RORA: variants seen among roughly 807,000 people sequenced by gnomAD.
RORA encodes nuclear receptor ROR-alpha.
In RORA, 7 loss-of-function variants were observed where a neutral mutation model predicts 69.5. That is an observed-to-expected ratio of 0.10 (90% CI 0.06 to 0.19). The LOEUF is 0.19. Among genes scored for constraint, RORA ranks in the 10% least tolerant of loss-of-function variants. The pLI is 1.00. For missense variants in RORA, 457 were observed against 663.0 expected, an observed-to-expected ratio of 0.69 and a Z score of 3.41; for synonymous variants, 261 against 240.8, an observed-to-expected ratio of 1.08 and a Z score of -0.78.
chr15:60,920,912 T>C (rs1892024275), intron 1 of RORA, among the ~76,000 whole-genome samples: 2 of 152,214 alleles, frequency 1.3e-5, no homozygotes, highest in African/African-American at 4.8e-5. Flanking sequence ...TTAAACTCAC[T>C]TCAAGGAAGA....
intron 1 of RORA, among the ~76,000 whole-genome samples, chr15:61,079,940 A>C (rs1267872781): frequency 6.6e-6 from 1 of 152,186 alleles, no homozygotes; most frequent in Non-Finnish European, 1.5e-5. Flanking sequence ...TGTCTTTGTA[A>C]TGGAGATCAT....
chr15:60,656,271 A>C (rs78381300), intron 2 of RORA, among the ~76,000 whole-genome samples: 3,074 of 152,276 alleles, frequency 0.02, 108 homozygotes, highest in African/African-American at 0.07. Flanking sequence ...GCTCAAAACT[A>C]GGGCCTTCTG....
At chr15:61,045,294 C>A (rs761801825) in intron 1 of RORA, among the ~76,000 whole-genome samples, 3 of 152,198 alleles carry the variant, frequency 2.0e-5, no homozygotes, top group Non-Finnish European at 2.9e-5. Flanking sequence ...TAAGATGTGA[C>A]TTTGCTCCTC....
At chr15:61,191,415 A>C (rs999229975) in intron 1 of RORA, among the ~76,000 whole-genome samples, 3 of 151,938 alleles carry the variant, frequency 2.0e-5, no homozygotes, top group African/African-American at 7.2e-5. Context: ...GGCACATCTA[A>C]TAGTTGAGAG....
chr15:60,853,047 G>C (rs1239881185), intron 1 of RORA, among the ~76,000 whole-genome samples: 1 of 152,154 alleles, frequency 6.6e-6, no homozygotes, highest in South Asian at 2.1e-4. Flanking sequence ...TTGGCATTGA[G>C]AGCATTCCTT....
At chr15:60,555,517 C>T (rs1437433269) in intron 2 of RORA, among the ~76,000 whole-genome samples, 1 of 152,110 alleles carries the variant, frequency 6.6e-6, no homozygotes, top group Non-Finnish European at 1.5e-5. Flanking sequence ...CAACGTCTAC[C>T]CTGTTTCATA....
intron 2 of RORA, among the ~76,000 whole-genome samples, chr15:60,663,978 C>G (rs142201887): frequency 1.1e-3 from 173 of 152,246 alleles, no homozygotes; most frequent in Middle Eastern, 3.4e-3. Flanking sequence ...CTAGGAAAAT[C>G]TGTGAGAATG....
chr15:60,595,408 GC>G, intron 2 of RORA, among the ~76,000 whole-genome samples: 1 of 151,834 alleles, frequency 6.6e-6, no homozygotes, highest in East Asian at 1.9e-4. Flanking sequence ...GCTACTACTC[GC>G]GAGGCTGAGG....
chr15:61,067,657 T>C (rs74885989), intron 1 of RORA, among the ~76,000 whole-genome samples: 14,038 of 152,150 alleles, frequency 0.092, 914 homozygotes, highest in Non-Finnish European at 0.14. Flanking sequence ...ACCAGACAAA[T>C]AAATGGTGGG....
chr15:60,719,265 G>A (rs1291108621), intron 1 of RORA, among the ~76,000 whole-genome samples: 1 of 151,868 alleles, frequency 6.6e-6, no homozygotes, highest in Non-Finnish European at 1.5e-5. Context: ...ATGACATGAT[G>A]TCTGAGATTT....
At chr15:61,056,935 G>A (rs1158578450) in intron 1 of RORA, among the ~76,000 whole-genome samples, 1 of 152,152 alleles carries the variant, frequency 6.6e-6, no homozygotes, top group Non-Finnish European at 1.5e-5. Flanking sequence ...CCTGACTTTT[G>A]TCAGCTGTAC....
At chr15:60,916,006 C>T (rs995010578) in intron 1 of RORA, among the ~76,000 whole-genome samples, 1 of 152,158 alleles carries the variant, frequency 6.6e-6, no homozygotes, top group Non-Finnish European at 1.5e-5. Flanking sequence ...GTGTTTCTTT[C>T]CCTGATTAAC....
At chr15:60,941,562 T>G (rs1014209897) in intron 1 of RORA, among the ~76,000 whole-genome samples, 1 of 152,252 alleles carries the variant, frequency 6.6e-6, no homozygotes, top group Non-Finnish European at 1.5e-5. Flanking sequence ...GTTCCCTGTC[T>G]GGACACAGCA....
intron 2 of RORA, among the ~76,000 whole-genome samples, chr15:60,535,042 G>T (rs989372656): frequency 3.9e-5 from 6 of 152,158 alleles, no homozygotes; most frequent in Non-Finnish European, 7.3e-5. Flanking sequence ...GCCTTTCATC[G>T]TGTAGGCTTT....
intron 1 of RORA, among the ~76,000 whole-genome samples, chr15:61,072,751 G>A (rs2140613276): frequency 6.6e-6 from 1 of 152,286 alleles, no homozygotes; most frequent in South Asian, 2.1e-4. Context: ...TGGGGGTCAA[G>A]ACATATATCT....
At chr15:60,872,437 C>T (rs1045613397) in intron 1 of RORA, among the ~76,000 whole-genome samples, 1 of 152,132 alleles carries the variant, frequency 6.6e-6, no homozygotes, top group Admixed American at 6.5e-5. Flanking sequence ...GGAAGTGGGA[C>T]AGCAAGAGAA....
chr15:60,836,890 T>G (rs1280728146), intron 1 of RORA, among the ~76,000 whole-genome samples: 3 of 152,208 alleles, frequency 2.0e-5, no homozygotes, highest in Admixed American at 2.0e-4. Flanking sequence ...TTTGCTTTAC[T>G]CTTAGGCACC....
In RORA at chr15:61,228,751, G is replaced by A. The variant is rs180694812; in HGVS notation, c.166+302C>T. Among the ~76,000 whole-genome samples the A allele has an allele frequency of 3.3e-5, 5 of 152,156 alleles. No homozygotes were observed. In the East Asian group the frequency reaches 9.7e-4, roughly 29 times the overall value. ...GGGGAGCGTATTTAATTGAGGCAAC[G>A]CAGCTTTCCTCCAGTGTTTGCAGAA... is the stretch of plus-strand genomic sequence containing the variant. On this transcript the variant is annotated intron_variant, in intron 1 of 10. Coordinates refer to ENST00000335670, the MANE Select transcript of RORA (RefSeq NM_134261.3).
intron 1 of RORA, among the ~76,000 whole-genome samples, chr15:61,052,519 C>T (rs1268122897): frequency 6.6e-6 from 1 of 152,192 alleles, no homozygotes; most frequent in Non-Finnish European, 1.5e-5. Flanking sequence ...GAAAACATCA[C>T]TCCAGGAGAG....
Sources: gnomAD v4.1 joint callset for allele counts (sites outside exome capture counted in the v4.1 genomes callset) on GRCh38, gnomAD v4.1.1 for gene constraint, MANE v1.5 for transcripts, NCBI Gene and HGNC (gene_info 2026-07-23, HGNC 2026-07-21) for gene names.